C11orf71: variants seen among roughly 807,000 people sequenced by gnomAD.
C11orf71 encodes the protein chromosome 11 open reading frame 71.
For missense variants in C11orf71, 179 were observed against 167.6 expected (o/e 1.07, Z -0.38); for synonymous variants, 72 against 73.4 (o/e 0.98, Z 0.09).
chr11:114,397,958 T>C (rs1489653868), downstream of C11orf71, among the ~76,000 whole-genome samples: 3 of 152,202 alleles, frequency 2.0e-5, no homozygotes, highest in Non-Finnish European at 2.9e-5. Flanking sequence ...TTTTAAAGCA[T>C]AGGATTATAT....
At chr11:114,396,322 A>T (rs1260783170), downstream of C11orf71, among the ~76,000 whole-genome samples, 1 of 152,240 alleles carries the variant, frequency 6.6e-6, no homozygotes, top group East Asian at 1.9e-4. Context: ...CTTACACATT[A>T]TGACTCCCTA....
downstream of C11orf71, among the ~76,000 whole-genome samples, chr11:114,394,247 CTTTTCTTTTCTTTTCTTTTCT>C (rs1349789621): frequency 0.023 from 1,383 of 60,206 alleles, 75 homozygotes; most frequent in African/African-American, 0.048. Context: ...CTTTTCTTTT[CTTTTCTTTTCTTTTCTTTTCT>C]TTTCTTTTCT....
chr11:114,400,100 G>A lies in C11orf71; in HGVS notation c.232C>T (p.Pro78Ser). ...TGGCGGCTCCGGCCCCGGCCATCTG[G>A]TTCCCTTGGGCTCCGGCCGCCACCA... The part of the protein sequence containing the change: ...VDGGGRSPRE[P>S]DGRGRSRQAR... Residue 78 changes from proline (P) to serine (S), a missense_variant, in exon 1 of 1, where the codon CCA becomes TCA. Coordinates refer to ENST00000623205, the MANE Select transcript of C11orf71 (RefSeq NM_001271562.2). The A allele has an allele frequency of 6.2e-7, 1 of 1,613,638 alleles. No individual in the cohort carries two copies. Among genetic ancestry groups the A allele is most frequent in the Non-Finnish European group, 8.5e-7 (1 of 1,179,890 alleles).
downstream of C11orf71, among the ~76,000 whole-genome samples, chr11:114,394,445 C>A (rs1309250643): frequency 6.6e-6 from 1 of 151,872 alleles, no homozygotes; most frequent in Non-Finnish European, 1.5e-5. Context: ...CAGGCACCTG[C>A]CACCACGCCT....
At position 114,399,804 on chromosome 11, in the gene C11orf71, C is replaced by T; in HGVS notation, c.*156G>A. ...CCACCTAAATCAATCAACTGTTACA[C>T]TTCCCTTAGTGCTAGGACATATTCA... On this transcript the variant is annotated 3_prime_UTR_variant, in exon 1 of 1. Coordinates refer to ENST00000623205, the MANE Select transcript of C11orf71 (RefSeq NM_001271562.2). 2 of 1,098,248 alleles carry T rather than the reference C, an allele frequency of 1.8e-6. No individual in the cohort carries two copies. Among genetic ancestry groups the T allele is most frequent in the Non-Finnish European group, 2.5e-6 (2 of 798,040 alleles). 68.0% of individuals were successfully genotyped at this position (1,098,248 alleles called of 1,614,324 possible).
downstream of C11orf71, among the ~76,000 whole-genome samples, chr11:114,394,344 G>C (rs548652876): frequency 6.8e-6 from 1 of 147,760 alleles, no homozygotes. Context: ...GCCCAGGCTG[G>C]AGTGCAGTGG....
At chr11:114,392,157 C>T (rs950942918) in intron 1 of C11orf71, among the ~76,000 whole-genome samples, 53 of 152,032 alleles carry the variant, frequency 3.5e-4, no homozygotes, top group Non-Finnish European at 4.4e-5. Context: ...AATCCCAACA[C>T]TTTGGGAAGC....
downstream of C11orf71, among the ~76,000 whole-genome samples, chr11:114,394,294 T>TTTCTTTTCTTTTCTTTTCTC (rs1591192951): frequency 5.9e-3 from 247 of 41,702 alleles, 19 homozygotes; most frequent in East Asian, 0.035. Context: ...TTTCTCTTAT[T>TTTCTTTTCTTTTCTTTTCTC]TTCTTTTCTT....
At chr11:114,391,752 AT>A in intron 1 of C11orf71, 2 of 552,034 alleles carry the variant, frequency 3.6e-6, no homozygotes. Flanking sequence ...ATTCAAATTT[AT>A]TTTATTTCTA....
chr11:114,392,547 A>AAAAG (rs1165521813), intron 1 of C11orf71, among the ~76,000 whole-genome samples: 3 of 145,114 alleles, frequency 2.1e-5, no homozygotes, highest in Admixed American at 7.2e-5. Flanking sequence ...AAAAAAAAAA[A>AAAAG]AAAGAAGAAG....
rs779553438 is a variant in C11orf71 at position 114,400,242 on chromosome 11, C to G, written c.90G>C (p.Ala30=). 5 of 1,611,444 alleles carry G rather than the reference C, an allele frequency of 3.1e-6. No individual in the cohort carries two copies. Among genetic ancestry groups the G allele is most frequent in the Non-Finnish European group, 3.4e-6 (4 of 1,178,860 alleles). Reference sequence around the variant, plus strand: ...CTCCGGAGACCATCGCCAACGCTGACGCCCGCGGTCTGAGGTCGCCATGGG... The same window carrying G: ...CTCCGGAGACCATCGCCAACGCTGAGGCCCGCGGTCTGAGGTCGCCATGGG... The part of the protein sequence containing the change: ...RSSHGDLRPR[A]SALAMVSGDG... Residue 30 remains alanine, a synonymous_variant, in exon 1 of 1, where the codon GCG becomes GCC. Transcript: ENST00000623205.
At chr11:114,393,616 T>C (rs1421387612), downstream of C11orf71, among the ~76,000 whole-genome samples, 1 of 152,176 alleles carries the variant, frequency 6.6e-6, no homozygotes, top group Non-Finnish European at 1.5e-5. Flanking sequence ...AAATCAGCAT[T>C]TATAGATGAG....
At chr11:114,394,214 T>TTTTCTTTTCTTTTCTTTTCTTTTC (rs1565256426), downstream of C11orf71, among the ~76,000 whole-genome samples, 15 of 57,038 alleles carry the variant, frequency 2.6e-4, no homozygotes, top group African/African-American at 1.5e-3. Context: ...TTTTCTTTTC[T>TTTTCTTTTCTTTTCTTTTCTTTTC]TTTCTTTTCT....
chr11:114,400,327 G>T lies in C11orf71; in HGVS notation c.5C>A (p.Ala2Asp), dbSNP rs754636336. ...GGAGGACAGGGACACATTGTTCAGG[G>T]CCATATTCAAACACTGCCCGCAGTA... M[A>D]LNNVSLSSGD... is the part of the protein sequence containing the mutation. The change falls in exon 1 of 1, where the codon GCC (alanine) becomes GAC (aspartate). Residue 2 changes from alanine to aspartate, a missense_variant. Coordinates refer to ENST00000623205, the MANE Select transcript of C11orf71 (RefSeq NM_001271562.2). 1.9e-6 allele frequency: 3 copies of T among 1,603,036 alleles called. No individual in the cohort carries two copies. In the Admixed American group the frequency reaches 5.1e-5, roughly 27 times the overall value.
chr11:114,400,080 G>T lies in C11orf71; in HGVS notation c.252C>A (p.Ser84Arg), dbSNP rs200546230. The change falls in exon 1 of 1, where the codon AGC becomes AGA. Residue 84 changes from serine (S) to arginine (R), a missense_variant. Ser to Arg is a moderately radical substitution (Grantham distance 110). Transcript: ENST00000623205. The stretch of plus-strand genomic sequence containing the variant: ...GGTAAGGTGAGAATCTGGCTTGGCG[G>T]CTCCGGCCCCGGCCATCTGGTTCCC... ...SPREPDGRGRSRQARFSPYPI... is the reference protein window; with the variant it reads ...SPREPDGRGRRRQARFSPYPI... The T allele has an allele frequency of 1.2e-4, 193 of 1,613,972 alleles. No homozygotes were observed. The African/African-American group carries it at 2.5e-3, about 21-fold the overall frequency.
At chr11:114,394,247 C>CTTTTCTTTTCTCTTA (rs1946105320), downstream of C11orf71, among the ~76,000 whole-genome samples, 1 of 60,594 alleles carries the variant, frequency 1.7e-5, no homozygotes, top group Non-Finnish European at 2.8e-5. Flanking sequence ...CTTTTCTTTT[C>CTTTTCTTTTCTCTTA]TTTTCTTTTC....
At chr11:114,394,250 T>TC (rs1946105744), downstream of C11orf71, among the ~76,000 whole-genome samples, 1 of 66,700 alleles carries the variant, frequency 1.5e-5, no homozygotes, top group African/African-American at 1.1e-4. Context: ...TTCTTTTCTT[T>TC]TCTTTTCTTT....
At chr11:114,395,959 T>TG (rs1336219042), downstream of C11orf71, among the ~76,000 whole-genome samples, 6 of 152,326 alleles carry the variant, frequency 3.9e-5, no homozygotes, top group East Asian at 5.8e-4. Context: ...TGCAGTGGTG[T>TG]GATCGTAGCT....
At position 114,399,924 on chromosome 11, in the gene C11orf71, C is replaced by A. The variant is rs2135344944; in HGVS notation, c.*36G>T. 2 of 1,543,292 alleles carry A rather than the reference C, an allele frequency of 1.3e-6. No individual in the cohort carries two copies. The highest frequency in any genetic ancestry group is 1.2e-5 in the South Asian group (1 of 81,258). ...AGAAAGGATTTTAAAAAGGCCTGTTCACAAGCTAAGTGAGGGCCAGAGGAA... is the reference window on the plus strand; with the variant it reads ...AGAAAGGATTTTAAAAAGGCCTGTTAACAAGCTAAGTGAGGGCCAGAGGAA... On this transcript the variant is annotated 3_prime_UTR_variant, in exon 1 of 1. Coordinates refer to ENST00000623205, the MANE Select transcript of C11orf71 (RefSeq NM_001271562.2).
Sources: gnomAD v4.1 joint callset for allele counts (sites outside exome capture counted in the v4.1 genomes callset) on GRCh38, gnomAD v4.1.1 for gene constraint, MANE v1.5 for transcripts, NCBI Gene and HGNC (gene_info 2026-07-23, HGNC 2026-07-21) for gene names.